The following KIF5A variants were observed in gnomAD, a reference collection of about 807,000 sequenced individuals.
The protein encoded by KIF5A is kinesin heavy chain isoform 5A.
In KIF5A, 35 loss-of-function variants were observed where a neutral mutation model predicts 141.3. The observed-to-expected ratio is 0.25, with a 90% CI of 0.19 to 0.33. The LOEUF is 0.33. KIF5A is among the 10% of genes least tolerant of loss of function. The pLI is 1.00. For synonymous variants in KIF5A, 448 were observed against 500.2 expected, an observed-to-expected ratio of 0.90 and a Z score of 1.39; for missense variants, 861 against 1,314.3, an observed-to-expected ratio of 0.66 and a Z score of 5.33.
chr12:57,563,411 C>T (rs746830628), intron 1 of KIF5A, 28 bp from the exon 2 acceptor site: 25 of 1,512,956 alleles, frequency 1.7e-5, no homozygotes, highest in South Asian at 1.0e-4. Flanking sequence ...TGCCTGTTGA[C>T]GTCTGATATC....
At position 57,550,359 on chromosome 12, in the gene KIF5A, T is replaced by C. The variant is rs573410126; in HGVS notation, c.88T>C (p.Phe30Leu). The C allele has an allele frequency of 6.2e-7, 1 of 1,614,152 alleles. No homozygotes were observed. The highest frequency in any genetic ancestry group is 1.1e-5 in the South Asian group (1 of 91,080). ...GGCTGAGATTCTGCGGGGAGACAAGTTCATCCCCATTTTCCAAGGGGACGA... is the reference window on the plus strand; with the variant it reads ...GGCTGAGATTCTGCGGGGAGACAAGCTCATCCCCATTTTCCAAGGGGACGA... ...NQAEILRGDK[F>L]IPIFQGDDSV... The change falls in exon 1 of 29, where the codon TTC (phenylalanine) becomes CTC (leucine). Residue 30 changes from phenylalanine (F) to leucine (L), a missense_variant. This residue lies in a region of KIF5A where 59 missense variants were observed against 81.1 expected (regional missense o/e 0.73). Transcript: ENST00000455537. The surrounding 1 kb of genome is among the most constrained non-coding windows in gnomAD (Gnocchi z 4.6).
At position 57,575,415 on chromosome 12, in the gene KIF5A, G is replaced by A. The variant is rs538326305; in HGVS notation, c.1905+143G>A. 4.7e-6 allele frequency: 5 copies of A among 1,065,742 alleles called. No individual in the cohort carries two copies. The East Asian group carries it at 1.3e-4, about 27-fold the overall frequency. 66.0% of individuals were successfully genotyped at this position (1,065,742 alleles called of 1,614,324 possible). The stretch of plus-strand genomic sequence containing the variant: ...CAAGGACAGAAAAGCTGGGGTGGCA[G>A]GGGTGCAGATCAGGGCCAAAAAAGT... On this transcript the variant is annotated intron_variant, in intron 16 of 28. Coordinates refer to ENST00000455537, the MANE Select transcript of KIF5A (RefSeq NM_004984.4).
intron 16 of KIF5A, 43 bp downstream of exon 16, chr12:57,575,315 A>C (rs370726568): frequency 1.9e-5 from 30 of 1,578,820 alleles, no homozygotes; most frequent in Non-Finnish European, 2.5e-5. Context: ...CATGGGAGAA[A>C]GAAGGCTACT....
chr12:57,578,650 A>T (rs1882501981), intron 23 of KIF5A, among the ~76,000 whole-genome samples: 1 of 152,120 alleles, frequency 6.6e-6, no homozygotes, highest in Non-Finnish European at 1.5e-5. Flanking sequence ...CAGGAGGGAG[A>T]CTGGTCAGAC....
intron 13 of KIF5A, 69 bp from the exon 14 acceptor site, chr12:57,571,992 C>T: frequency 7.1e-7 from 1 of 1,402,382 alleles, no homozygotes; most frequent in Non-Finnish European, 1.0e-6. Flanking sequence ...GCTCAGCTTC[C>T]CAGACCCAAG....
At chr12:57,579,433 C>T (rs1882526601) in intron 23 of KIF5A, among the ~76,000 whole-genome samples, 2 of 152,130 alleles carry the variant, frequency 1.3e-5, no homozygotes, top group African/African-American at 4.8e-5. Flanking sequence ...CTTACATTCT[C>T]ACTAGCCTAG....
At chr12:57,583,537 G>A (rs1882671548) in intron 28 of KIF5A, among the ~76,000 whole-genome samples, 1 of 152,158 alleles carries the variant, frequency 6.6e-6, no homozygotes, top group African/African-American at 2.4e-5. Flanking sequence ...CCACAGGGGT[G>A]GTAGACTGCA....
chr12:57,567,958 C>T (rs2140161930), intron 8 of KIF5A, among the ~76,000 whole-genome samples: 1 of 151,900 alleles, frequency 6.6e-6, no homozygotes, highest in East Asian at 1.9e-4. Context: ...TCTCAGCTCA[C>T]TGCAACCCCT....
At chr12:57,562,298 C>A (rs1259219186) in intron 1 of KIF5A, among the ~76,000 whole-genome samples, 1 of 152,200 alleles carries the variant, frequency 6.6e-6, no homozygotes, top group Non-Finnish European at 1.5e-5. Context: ...TCACTGCAAC[C>A]TCCGCCTCCT....
intron 21 of KIF5A, 105 bp from the exon 22 acceptor site, chr12:57,577,904 G>C: frequency 1.6e-6 from 2 of 1,246,578 alleles, no homozygotes; most frequent in Non-Finnish European, 2.4e-6. Context: ...TTTCCTAAAG[G>C]ATAAGTGACT....
chr12:57,576,272 G>A lies in KIF5A; in HGVS notation c.2092G>A (p.Ala698Thr), dbSNP rs971784374. The A allele has an allele frequency of 1.2e-6, 2 of 1,614,102 alleles. No homozygotes were observed. The highest frequency in any genetic ancestry group is 1.7e-4 in the Middle Eastern group (1 of 6,060). Residue 698 changes from alanine (A) to threonine (T), a missense_variant, in exon 19 of 29, where the codon GCT becomes ACT. By Grantham distance (58) the Ala-to-Thr change is moderately conservative. This residue lies in a region of KIF5A where 482 missense variants were observed against 661.3 expected (regional missense o/e 0.73). Coordinates refer to ENST00000455537, the MANE Select transcript of KIF5A (RefSeq NM_004984.4). ...CTTGGGGTGGGGTTGTTTGCAGAAG[G>A]CTCTGGAGCTGCAGATGGAGAGTCA... is the stretch of plus-strand genomic sequence containing the variant. Reference protein sequence around the residue: ...DTQDADEVKKALELQMESHRE... With the variant: ...DTQDADEVKKTLELQMESHRE...
intron 27 of KIF5A, 116 bp from the exon 28 acceptor site, chr12:57,582,985 C>A: frequency 1.1e-6 from 1 of 872,044 alleles, no homozygotes; most frequent in Non-Finnish European, 1.9e-6. Flanking sequence ...TCCTGTAAAA[C>A]ACAAATAGTC....
rs369289917 is a variant in KIF5A at position 57,567,134 on chromosome 12, T to G, written c.510T>G (p.Thr170=). 27 of 1,611,476 alleles carry G rather than the reference T, an allele frequency of 1.7e-5. No homozygotes were observed. The highest frequency in any genetic ancestry group is 2.3e-5 in the Non-Finnish European group (27 of 1,178,126). ...KNRVPFVKGC[T]ERFVSSPEEI... ...CCATTTGTCCCCCACAGGGTTGTAC[T>G]GAACGCTTTGTGTCCAGCCCGGAGG... The change falls in exon 7 of 29, where the codon ACT becomes ACG. Residue 170 remains threonine (T), a synonymous_variant. Coordinates refer to ENST00000455537, the MANE Select transcript of KIF5A (RefSeq NM_004984.4).
intron 20 of KIF5A, among the ~76,000 whole-genome samples, chr12:57,577,402 C>T (rs988389068): frequency 4.6e-5 from 7 of 152,232 alleles, no homozygotes; most frequent in African/African-American, 1.2e-4. Flanking sequence ...CGAGACCAGC[C>T]TGGGCAACAT....
chr12:57,568,640 G>A (rs142538303), intron 8 of KIF5A, among the ~76,000 whole-genome samples: 4 of 151,960 alleles, frequency 2.6e-5, no homozygotes, highest in South Asian at 2.1e-4. Context: ...CAGGATAACC[G>A]CTTGAACCTG....
chr12:57,559,993 G>C (rs900441316), intron 1 of KIF5A, among the ~76,000 whole-genome samples: 3 of 152,180 alleles, frequency 2.0e-5, no homozygotes, highest in African/African-American at 7.2e-5. Context: ...CTGGGTTCAA[G>C]CGATTCTTGT....
In KIF5A at chr12:57,572,606, G is replaced by A. The variant is rs1484599893; in HGVS notation, c.1596G>A (p.Glu532=). 6.2e-7 allele frequency: 1 copy of A among 1,614,248 alleles called. No individual in the cohort carries two copies. Among genetic ancestry groups the A allele is most frequent in the Middle Eastern group, 1.6e-4 (1 of 6,062 alleles). The change falls in exon 15 of 29, where the codon GAG becomes GAA. Residue 532 remains glutamate, a synonymous_variant. Coordinates refer to ENST00000455537, the MANE Select transcript of KIF5A (RefSeq NM_004984.4). This position sits in a 1 kb window ranked among gnomAD's most constrained non-coding sequence, Gnocchi z 4.2. The stretch of plus-strand genomic sequence containing the variant: ...CCACCATGCTGTCCCTGGAGTCTGA[G>A]TTGCAGCGGCTACAGGAGGTCAGTG... The part of the protein sequence containing the change: ...KVATMLSLES[E]LQRLQEVSGH...
chr12:57,586,626 T>TA lies in KIF5A; in HGVS notation c.*2447dup, dbSNP rs1882768337. 2 of 152,248 alleles carry TA rather than the reference T, an allele frequency of 1.3e-5. No homozygotes were observed. The highest frequency in any genetic ancestry group is 2.4e-5 in the African/African-American group (1 of 41,476). 9.4% of individuals were successfully genotyped at this position (152,248 alleles called of 1,614,324 possible). ...CTTTAAAATAAAATAAATTCAATGATAACTCTATGTTGTTGTAAATATTCT... is the reference window on the plus strand; with the variant it reads ...CTTTAAAATAAAATAAATTCAATGATAAACTCTATGTTGTTGTAAATATTCT... On this transcript the variant is annotated 3_prime_UTR_variant, in exon 29 of 29. Coordinates refer to ENST00000455537, the MANE Select transcript of KIF5A (RefSeq NM_004984.4).
intron 12 of KIF5A, among the ~76,000 whole-genome samples, chr12:57,570,705 T>C (rs1882226512): frequency 1.3e-5 from 2 of 152,208 alleles, no homozygotes; most frequent in Non-Finnish European, 2.9e-5. Context: ...ATTATACATC[T>C]GATTTTTTTC....
Sources: gnomAD v4.1 joint callset for allele counts (sites outside exome capture counted in the v4.1 genomes callset) on GRCh38, gnomAD v4.1.1 for gene constraint, gnomAD v4.1.1 regional missense constraint, Gnocchi (gnomAD v3.1) non-coding constraint, MANE v1.5 for transcripts, NCBI Gene and HGNC (gene_info 2026-07-23, HGNC 2026-07-21) for gene names.